The following PTPRK variants were observed in gnomAD, a reference collection of about 807,000 sequenced individuals.
PTPRK encodes receptor-type tyrosine-protein phosphatase kappa.
In PTPRK, 75 loss-of-function variants were observed where a neutral mutation model predicts 178.0. The observed-to-expected ratio is 0.42, with a 90% CI of 0.35 to 0.51. The LOEUF (loss-of-function observed/expected upper bound fraction) is 0.51. Ranked by LOEUF, PTPRK falls within the 20% of genes least tolerant of loss-of-function variation. The pLI is 0.02. For missense variants in PTPRK, 1,441 were observed against 1,797.8 expected (o/e 0.80, Z 3.59); for synonymous variants, 637 against 620.6 (o/e 1.03, Z -0.39).
Position 128,461,858 on chromosome 6 carries a change from A to G in PTPRK, c.100+58401T>C, listed in dbSNP as rs141387390. On this transcript the variant is annotated intron_variant, in intron 1 of 29. Coordinates refer to ENST00000368226, the MANE Select transcript of PTPRK (RefSeq NM_002844.4). Reference sequence around the variant, plus strand: ...ACTGGAATTATATAGAACAAGGTCTATTTTGACTTGTTTATTTTAGCATAA... The same window carrying G: ...ACTGGAATTATATAGAACAAGGTCTGTTTTGACTTGTTTATTTTAGCATAA... Among the ~76,000 whole-genome samples, 67 of 152,314 alleles carry G rather than the reference A, an allele frequency of 4.4e-4. 1 individual carries two copies. The East Asian group carries it at 0.01, about 23-fold the overall frequency.
intron 29 of PTPRK, 119 bp downstream of exon 29, chr6:127,972,903 C>T (rs1774095551): frequency 2.0e-6 from 2 of 1,024,510 alleles, no homozygotes; most frequent in Admixed American, 4.5e-5. Flanking sequence ...CAGGAAAGTC[C>T]CCACAACGTC....
At chr6:128,277,238 A>G (rs1047699706) in intron 3 of PTPRK, among the ~76,000 whole-genome samples, 2 of 152,196 alleles carry the variant, frequency 1.3e-5, no homozygotes, top group African/African-American at 4.8e-5. Flanking sequence ...AAAACTACCT[A>G]TTAAGTATAA....
intron 11 of PTPRK, among the ~76,000 whole-genome samples, chr6:128,073,827 T>A (rs939709808): frequency 1.1e-4 from 17 of 152,216 alleles, no homozygotes; most frequent in African/African-American, 4.1e-4. Flanking sequence ...ATGACCTTTA[T>A]GCCCATAAAA....
At chr6:128,357,626 G>A (rs1489379810) in intron 2 of PTPRK, among the ~76,000 whole-genome samples, 2 of 152,166 alleles carry the variant, frequency 1.3e-5, no homozygotes, top group African/African-American at 4.8e-5. Flanking sequence ...TATATTTATA[G>A]ACTAGTTGGC....
chr6:128,279,387 C>A (rs1462127397), intron 3 of PTPRK, among the ~76,000 whole-genome samples: 1 of 152,024 alleles, frequency 6.6e-6, no homozygotes, highest in Non-Finnish European at 1.5e-5. Context: ...GGAAAAACAA[C>A]AGGCACTCCA....
intron 2 of PTPRK, among the ~76,000 whole-genome samples, chr6:128,370,861 G>T (rs548498130): frequency 2.2e-4 from 33 of 152,162 alleles, no homozygotes; most frequent in African/African-American, 7.5e-4. Flanking sequence ...TTAAATATTT[G>T]GTTCCAAGCA....
chr6:128,291,443 T>C (rs1435894808), intron 3 of PTPRK, among the ~76,000 whole-genome samples: 1 of 152,136 alleles, frequency 6.6e-6, no homozygotes. Flanking sequence ...TTTTTGGCAA[T>C]TTGTTATGGG....
At chr6:128,378,498 A>C (rs548457070) in intron 2 of PTPRK, among the ~76,000 whole-genome samples, 5 of 151,842 alleles carry the variant, frequency 3.3e-5, no homozygotes, top group Admixed American at 6.6e-5. Flanking sequence ...TATAATTTCC[A>C]TGTTTTCTAA....
chr6:128,043,865 T>C (rs1777607289), intron 13 of PTPRK, among the ~76,000 whole-genome samples: 5 of 151,914 alleles, frequency 3.3e-5, no homozygotes, highest in Admixed American at 3.3e-4. Flanking sequence ...AGGGACCATA[T>C]TTTTTAGTAT....
chr6:128,239,876 G>C (rs992824266), intron 5 of PTPRK, among the ~76,000 whole-genome samples, 159 bp downstream of exon 5: 6 of 152,174 alleles, frequency 3.9e-5, no homozygotes, highest in African/African-American at 1.4e-4. Flanking sequence ...TCTCTAACAT[G>C]AATCTGTAAT....
chr6:128,323,635 C>G (rs1829141695), intron 2 of PTPRK, among the ~76,000 whole-genome samples: 1 of 152,140 alleles, frequency 6.6e-6, no homozygotes. Context: ...ATGGTGTCAA[C>G]TATTTGAGAA....
In PTPRK at chr6:128,322,328, A is replaced by C. The variant is rs761282869; in HGVS notation, c.224-18T>G. 87 of 1,539,726 alleles carry C rather than the reference A, an allele frequency of 5.7e-5. No homozygotes were observed. The highest frequency in any genetic ancestry group is 7.0e-5 in the Non-Finnish European group (78 of 1,115,992). Reference sequence around the variant, plus strand: ...ATAGGAACCTGAAATGACATTACAAATAATAATGCTAAAGAGATATATAAG... The same window carrying C: ...ATAGGAACCTGAAATGACATTACAACTAATAATGCTAAAGAGATATATAAG... On this transcript the variant is annotated intron_variant, in intron 2 of 29. Coordinates refer to ENST00000368226, the MANE Select transcript of PTPRK (RefSeq NM_002844.4).
intron 7 of PTPRK, among the ~76,000 whole-genome samples, chr6:128,132,853 C>T (rs980455910): frequency 2.6e-5 from 4 of 152,112 alleles, no homozygotes; most frequent in Non-Finnish European, 5.9e-5. Flanking sequence ...ATATAAGATA[C>T]AAAATTGTCC....
chr6:128,444,999 G>C (rs561625709), intron 1 of PTPRK, among the ~76,000 whole-genome samples: 1 of 151,528 alleles, frequency 6.6e-6, no homozygotes, highest in Non-Finnish European at 1.5e-5. Context: ...TACATATAAA[G>C]TATGTGTGTA....
chr6:128,269,920 T>A (rs1235188241), intron 3 of PTPRK, among the ~76,000 whole-genome samples: 1 of 152,172 alleles, frequency 6.6e-6, no homozygotes, highest in Non-Finnish European at 1.5e-5. Flanking sequence ...TATAACGTGC[T>A]GCAGTTTTTC....
intron 14 of PTPRK, among the ~76,000 whole-genome samples, chr6:128,007,716 G>T (rs1583617613): frequency 6.6e-6 from 1 of 150,974 alleles, no homozygotes. Flanking sequence ...CTAGCTGAAT[G>T]AGGATATAAT....
At chr6:128,123,826 T>G (rs1233098358) in intron 7 of PTPRK, among the ~76,000 whole-genome samples, 1 of 152,096 alleles carries the variant, frequency 6.6e-6, no homozygotes, top group East Asian at 1.9e-4. Flanking sequence ...GTCCCTCCAT[T>G]GGAATTTGTC....
chr6:128,137,261 C>A (rs769186617), intron 7 of PTPRK, among the ~76,000 whole-genome samples: 2 of 152,142 alleles, frequency 1.3e-5, no homozygotes, highest in Non-Finnish European at 2.9e-5. Flanking sequence ...AGCCATGCAG[C>A]TTTTTACTTA....
intron 13 of PTPRK, among the ~76,000 whole-genome samples, chr6:128,018,023 T>G (rs902248564): frequency 1.2e-4 from 18 of 151,132 alleles, no homozygotes; most frequent in African/African-American, 4.4e-4. Context: ...CACCTTTCCC[T>G]TAACTACCCT....
Sources: gnomAD v4.1 joint callset for allele counts (sites outside exome capture counted in the v4.1 genomes callset) on GRCh38, gnomAD v4.1.1 for gene constraint, MANE v1.5 for transcripts, NCBI Gene and HGNC (gene_info 2026-07-23, HGNC 2026-07-21) for gene names.